CDH18: variants seen among roughly 807,000 people sequenced by gnomAD.
The protein encoded by CDH18 is cadherin 18.
CDH18 carries 31 observed loss-of-function variants against 67.9 expected under a neutral mutation model. That is an observed-to-expected ratio of 0.46 (90% CI 0.34 to 0.62). CDH18 has a LOEUF of 0.62. Ranked by LOEUF, CDH18 falls within the 20% of genes least tolerant of loss-of-function variation. The probability of loss-of-function intolerance (pLI) is 0.01; values close to 1 mark genes in which losing one functional copy is unlikely to be tolerated. For missense variants in CDH18, 890 were observed against 975.5 expected, an observed-to-expected ratio of 0.91 and a Z score of 1.17; for synonymous variants, 362 against 347.2, an observed-to-expected ratio of 1.04 and a Z score of -0.48.
intron 1 of CDH18, among the ~76,000 whole-genome samples, chr5:20,418,162 G>A (rs564214678): frequency 1.3e-4 from 19 of 150,298 alleles, no homozygotes; most frequent in Non-Finnish European, 2.4e-4. Flanking sequence ...CGCAACCTCC[G>A]CCGCTGGGGT....
chr5:20,107,497 T>A (rs1747064614), intron 2 of CDH18, among the ~76,000 whole-genome samples: 1 of 152,194 alleles, frequency 6.6e-6, no homozygotes, highest in Non-Finnish European at 1.5e-5. Flanking sequence ...TTATCTATAT[T>A]CTTTATCCAC....
chr5:19,621,910 T>C (rs910421722), intron 5 of CDH18, among the ~76,000 whole-genome samples: 1 of 152,224 alleles, frequency 6.6e-6, no homozygotes, highest in Non-Finnish European at 1.5e-5. Flanking sequence ...TTATTTTTTG[T>C]GCTCTTAGTC....
chr5:19,968,209 A>G (rs947166884), intron 2 of CDH18, among the ~76,000 whole-genome samples: 19 of 152,160 alleles, frequency 1.2e-4, no homozygotes, highest in Non-Finnish European at 2.6e-4. Context: ...AACAAATGGA[A>G]AAACATTCCA....
intron 2 of CDH18, among the ~76,000 whole-genome samples, chr5:20,228,864 A>C (rs1187060724): frequency 6.6e-6 from 1 of 152,124 alleles, no homozygotes; most frequent in African/African-American, 2.4e-5. Flanking sequence ...ATGGAATGCT[A>C]TTCAGTGAAT....
chr5:19,709,921 G>C (rs1764501444), intron 5 of CDH18, among the ~76,000 whole-genome samples: 1 of 152,082 alleles, frequency 6.6e-6, no homozygotes, highest in South Asian at 2.1e-4. Flanking sequence ...GATCACCTGA[G>C]GTCAGGAGTT....
At chr5:20,295,221 T>C (rs1037938547) in intron 1 of CDH18, among the ~76,000 whole-genome samples, 3 of 152,124 alleles carry the variant, frequency 2.0e-5, no homozygotes, top group African/African-American at 7.2e-5. Context: ...GATTTTATAT[T>C]GTTTTGCATC....
At chr5:20,106,778 T>C (rs981067644) in intron 2 of CDH18, among the ~76,000 whole-genome samples, 3 of 152,212 alleles carry the variant, frequency 2.0e-5, no homozygotes, top group Middle Eastern at 3.2e-3. Context: ...TGTGAAAACA[T>C]GGTTATAATA....
At chr5:19,945,136 C>G (rs1795174748) in intron 2 of CDH18, among the ~76,000 whole-genome samples, 1 of 152,092 alleles carries the variant, frequency 6.6e-6, no homozygotes, top group Non-Finnish European at 1.5e-5. Flanking sequence ...GTATGGATAT[C>G]CAGGCCCAAT....
rs1781962257 is a variant in CDH18, at chr5:19,838,861, T to C, written c.126A>G (p.Glu42=). The C allele has an allele frequency of 4.3e-6, 7 of 1,614,062 alleles. No individual in the cohort carries two copies. The South Asian group carries it at 6.6e-5, about 15-fold the overall frequency. ...KVMRNQTKHI[E]GETEVHHRPK... ...GACGATGATGGACTTCGGTTTCACC[T>C]TCAATGTGTTTGGTTTGGTTTCTCA... is the stretch of plus-strand genomic sequence containing the variant. Residue 42 remains glutamate, a synonymous_variant, in exon 3 of 13, where the codon GAA becomes GAG. Coordinates refer to ENST00000382275, the MANE Select transcript of CDH18 (RefSeq NM_004934.5).
chr5:19,595,490 G>A (rs1746027082), intron 6 of CDH18, among the ~76,000 whole-genome samples: 1 of 152,166 alleles, frequency 6.6e-6, no homozygotes, highest in African/African-American at 2.4e-5. Context: ...TGGGTGTGGT[G>A]GCACACGCCT....
intron 2 of CDH18, among the ~76,000 whole-genome samples, chr5:20,224,178 G>T (rs1013922106): frequency 6.6e-6 from 1 of 152,140 alleles, no homozygotes; most frequent in East Asian, 1.9e-4. Context: ...TATTTTGAAC[G>T]TATAAAATTA....
chr5:20,296,364 C>T (rs1307352781), intron 1 of CDH18, among the ~76,000 whole-genome samples: 1 of 151,780 alleles, frequency 6.6e-6, no homozygotes, highest in African/African-American at 2.4e-5. Context: ...GGCCATTCTC[C>T]TGCCCTCCTG....
intron 2 of CDH18, among the ~76,000 whole-genome samples, chr5:20,148,105 T>G (rs1750803030): frequency 6.6e-6 from 1 of 151,856 alleles, no homozygotes; most frequent in Non-Finnish European, 1.5e-5. Flanking sequence ...TTTTTTCTTT[T>G]TTTTGAGACA....
At chr5:20,211,403 A>G (rs1740344238) in intron 2 of CDH18, among the ~76,000 whole-genome samples, 1 of 152,164 alleles carries the variant, frequency 6.6e-6, no homozygotes. Context: ...TGGTTCTCCC[A>G]GTATGGAGTC....
chr5:20,271,839 T>C (rs930236242), intron 1 of CDH18, among the ~76,000 whole-genome samples: 11 of 152,078 alleles, frequency 7.2e-5, no homozygotes, highest in African/African-American at 1.7e-4. Flanking sequence ...AATACTAGTG[T>C]ATGGGAGAAT....
intron 2 of CDH18, among the ~76,000 whole-genome samples, chr5:20,123,826 GC>G (rs1748583432): frequency 6.8e-6 from 1 of 146,594 alleles, no homozygotes; most frequent in Admixed American, 7.0e-5. Flanking sequence ...GGCGGAGCTT[GC>G]AGTGAGCTGA....
At chr5:19,490,564 A>C (rs975607885) in intron 11 of CDH18, among the ~76,000 whole-genome samples, 3 of 151,312 alleles carry the variant, frequency 2.0e-5, no homozygotes, top group Non-Finnish European at 4.4e-5. Context: ...ACAGGCGTGC[A>C]CCACCACACC....
chr5:20,060,154 A>C (rs999660920), intron 2 of CDH18, among the ~76,000 whole-genome samples: 1 of 152,132 alleles, frequency 6.6e-6, no homozygotes. Context: ...TCATATCATG[A>C]ACCAAAAAAT....
chr5:20,486,578 T>C (rs1010399282), intron 1 of CDH18, among the ~76,000 whole-genome samples: 4 of 151,768 alleles, frequency 2.6e-5, no homozygotes, highest in African/African-American at 9.7e-5. Context: ...CTGATGAATT[T>C]TGGATCCCTT....
Sources: allele counts gnomAD v4.1 joint callset (sites outside exome capture counted in the v4.1 genomes callset), GRCh38; gene constraint gnomAD v4.1.1; transcripts MANE v1.5; gene names NCBI Gene and HGNC (gene_info 2026-07-23, HGNC 2026-07-21).